Variants in NINJ2 observed in about 807,000 individuals in gnomAD.
NINJ2 encodes the protein ninjurin 2.
NINJ2 carries 12 observed loss-of-function variants against 11.7 expected under a neutral mutation model. The ratio of observed to expected loss-of-function variants is 1.02; its 90% CI spans 0.66 to 1.66. NINJ2 has a LOEUF of 1.66. NINJ2 is among the 40% of genes most tolerant of loss of function. The pLI is 0.00. For missense variants in NINJ2, 187 were observed against 181.8 expected (o/e 1.03, Z -0.16); for synonymous variants, 93 against 76.8 (o/e 1.21, Z -1.10).
intron 1 of NINJ2, among the ~76,000 whole-genome samples, chr12:630,657 G>A (rs1948268715): frequency 6.6e-6 from 1 of 152,246 alleles, no homozygotes; most frequent in African/African-American, 2.4e-5. Flanking sequence ...GATCACAGGC[G>A]TGAGCCACCG....
At chr12:610,550 C>T in intron 1 of NINJ2, 1 of 1,466,112 alleles carries the variant, frequency 6.8e-7, no homozygotes, top group Non-Finnish European at 9.0e-7. Context: ...CAGATGCCCA[C>T]CACAGCTTCA....
chr12:654,663 G>C (rs1937847627), intron 1 of NINJ2, among the ~76,000 whole-genome samples: 1 of 151,998 alleles, frequency 6.6e-6, no homozygotes, highest in Non-Finnish European at 1.5e-5. Context: ...GGAGGCCGAG[G>C]TGGGTGGATC....
chr12:646,483 G>A (rs974858945), intron 1 of NINJ2, among the ~76,000 whole-genome samples: 1 of 152,172 alleles, frequency 6.6e-6, no homozygotes, highest in African/African-American at 2.4e-5. Flanking sequence ...CAACCCTAGT[G>A]AAGGCAGTTC....
At chr12:583,471 T>TCTG (rs1254447740) in intron 1 of NINJ2, among the ~76,000 whole-genome samples, 1 of 152,252 alleles carries the variant, frequency 6.6e-6, no homozygotes, top group African/African-American at 2.4e-5. Flanking sequence ...GGCTGCCACC[T>TCTG]GGCACCTGCC....
At position 580,965 on chromosome 12, in the gene NINJ2, T is replaced by G. The variant is rs1204217056; in HGVS notation, c.34-14787A>C. On this transcript the variant is annotated intron_variant, in intron 1 of 3. Coordinates refer to ENST00000305108, the MANE Select transcript of NINJ2 (RefSeq NM_016533.6). This position sits in a 1 kb window ranked among gnomAD's most constrained non-coding sequence, Gnocchi z 4.7. Reference sequence around the variant, plus strand: ...GTCTGTGTGTATTCATGTGTGTTTGTGTGTATGTGTGTGTCCATGTCTCTG... The same window carrying G: ...GTCTGTGTGTATTCATGTGTGTTTGGGTGTATGTGTGTGTCCATGTCTCTG... Among the ~76,000 whole-genome samples the G allele has an allele frequency of 6.6e-6, 1 of 151,754 alleles. No homozygotes were observed. Among genetic ancestry groups the G allele is most frequent in the African/African-American group, 2.4e-5 (1 of 41,296 alleles).
chr12:621,495 G>GAAAA (rs1948152348), intron 1 of NINJ2, among the ~76,000 whole-genome samples: 1 of 149,092 alleles, frequency 6.7e-6, no homozygotes, highest in African/African-American at 2.5e-5. Context: ...AGAAAGAAAA[G>GAAAA]AAAAAGAAAA....
chr12:583,732 G>A (rs1055309621), intron 1 of NINJ2, among the ~76,000 whole-genome samples: 1 of 152,204 alleles, frequency 6.6e-6, no homozygotes, highest in Non-Finnish European at 1.5e-5. Context: ...GTCAACCCCT[G>A]CAAAGCCTCG....
At chr12:635,813 G>C (rs190444447) in intron 1 of NINJ2, among the ~76,000 whole-genome samples, 1 of 152,254 alleles carries the variant, frequency 6.6e-6, no homozygotes, top group Admixed American at 6.5e-5. Flanking sequence ...GGCGGTTCAC[G>C]CCTGTAATCC....
Position 565,205 on chromosome 12 carries a change from A to G in NINJ2, c.*18+12T>C. 1 of 1,595,338 alleles carries G rather than the reference A, an allele frequency of 6.3e-7. No individual in the cohort carries two copies. The highest frequency in any genetic ancestry group is 8.6e-7 in the Non-Finnish European group (1 of 1,168,732). On this transcript the variant is annotated intron_variant, in intron 3 of 3. Transcript: ENST00000305108. Reference sequence around the variant, plus strand: ...GAGTCCCTGGAGCTGGGGTTCCTCCATCCTCCCTCACCTGGGTCCCAGGCT... The same window carrying G: ...GAGTCCCTGGAGCTGGGGTTCCTCCGTCCTCCCTCACCTGGGTCCCAGGCT...
rs760438176 is a variant in NINJ2 at position 573,434 on chromosome 12, G to C, written c.34-7256C>G. Among the ~76,000 whole-genome samples, 11 of 152,136 alleles carry C rather than the reference G, an allele frequency of 7.2e-5. 1 individual carries two copies. Among genetic ancestry groups the C allele is most frequent in the Non-Finnish European group, 1.6e-4 (11 of 67,998 alleles). On this transcript the variant is annotated intron_variant, in intron 1 of 3. Coordinates refer to ENST00000305108, the MANE Select transcript of NINJ2 (RefSeq NM_016533.6). The stretch of plus-strand genomic sequence containing the variant: ...AAGATAAACACGTGCAGTCTGGCTG[G>C]GTGTGGTGCCGCATGCCTATTGCCA...
intron 1 of NINJ2, among the ~76,000 whole-genome samples, chr12:648,105 T>C (rs1409137559): frequency 1.3e-5 from 2 of 152,156 alleles, no homozygotes. Flanking sequence ...GGAATTTCAC[T>C]CTTGTCACCC....
chr12:656,714 A>G lies in NINJ2; in HGVS notation c.33+6614T>C, dbSNP rs1488530411. 2.0e-5 allele frequency among the ~76,000 whole-genome samples: 3 copies of G among 151,790 alleles called. No homozygotes were observed. In the East Asian group the frequency reaches 5.8e-4, roughly 29 times the overall value. ...CAGTGAGCCGAGATTGCGCCACTGC[A>G]CTGTAGCCTGGGTGACAGAGCAAGA... is the stretch of plus-strand genomic sequence containing the variant. On this transcript the variant is annotated intron_variant, in intron 1 of 3. Transcript: ENST00000305108.
intron 1 of NINJ2, among the ~76,000 whole-genome samples, chr12:647,367 C>G (rs1050775520): frequency 2.6e-5 from 4 of 152,216 alleles, no homozygotes; most frequent in African/African-American, 9.6e-5. Flanking sequence ...CACCTCTCAT[C>G]ATAGTGGCTG....
At chr12:657,710 G>A (rs537621205) in intron 1 of NINJ2, among the ~76,000 whole-genome samples, 1 of 152,302 alleles carries the variant, frequency 6.6e-6, no homozygotes, top group East Asian at 1.9e-4. Context: ...CACATCTTAT[G>A]TCACTAGGGA....
At chr12:660,618 C>T (rs1937945783) in intron 1 of NINJ2, among the ~76,000 whole-genome samples, 1 of 151,956 alleles carries the variant, frequency 6.6e-6, no homozygotes, top group East Asian at 2.0e-4. Context: ...GGGTTACAGG[C>T]GTGAGCCACC....
At chr12:603,415 TA>T (rs1947898082) in intron 1 of NINJ2, among the ~76,000 whole-genome samples, 1 of 152,252 alleles carries the variant, frequency 6.6e-6, no homozygotes, top group African/African-American at 2.4e-5. Flanking sequence ...CAACCTTTTT[TA>T]ATATTCATGA....
chr12:597,642 G>A (rs951162694), intron 1 of NINJ2, among the ~76,000 whole-genome samples: 1 of 152,260 alleles, frequency 6.6e-6, no homozygotes, highest in African/African-American at 2.4e-5. Flanking sequence ...ATTGCGTCTT[G>A]AGGCAAAGTA....
At chr12:648,552 C>A (rs1937732086) in intron 1 of NINJ2, among the ~76,000 whole-genome samples, 1 of 152,204 alleles carries the variant, frequency 6.6e-6, no homozygotes, top group African/African-American at 2.4e-5. Context: ...TGGTCGTGTT[C>A]ATGAGTGTTC....
intron 1 of NINJ2, among the ~76,000 whole-genome samples, chr12:635,343 G>T (rs1455149683): frequency 6.6e-6 from 1 of 152,188 alleles, no homozygotes; most frequent in Non-Finnish European, 1.5e-5. Context: ...GAGCCACCAG[G>T]CCTGGCCCCT....
Sources: gnomAD v4.1 joint callset for allele counts (sites outside exome capture counted in the v4.1 genomes callset) on GRCh38, gnomAD v4.1.1 for gene constraint, Gnocchi (gnomAD v3.1) non-coding constraint, MANE v1.5 for transcripts, NCBI Gene and HGNC (gene_info 2026-07-23, HGNC 2026-07-21) for gene names.